Variants in KCTD10 observed in about 807,000 individuals in gnomAD.
KCTD10 encodes potassium channel tetramerization domain containing 10.
KCTD10 carries 13 observed loss-of-function variants against 34.6 expected under a neutral mutation model. The observed-to-expected ratio is 0.38, with a 90% CI of 0.24 to 0.60. The LOEUF (loss-of-function observed/expected upper bound fraction) is 0.60, where lower values mean the gene tolerates loss of function less well. KCTD10 is among the 20% of genes least tolerant of loss of function. The pLI is 0.66. For missense variants in KCTD10, 256 were observed against 420.3 expected (o/e 0.61, Z 3.42); for synonymous variants, 156 against 168.8 (o/e 0.92, Z 0.59).
chr12:109,454,394 C>A (rs1872920319), intron 6 of KCTD10, among the ~76,000 whole-genome samples: 1 of 152,158 alleles, frequency 6.6e-6, no homozygotes, highest in Non-Finnish European at 1.5e-5. Context: ...ACACAACTTA[C>A]CAGCAGGGCT....
In KCTD10 at chr12:109,460,613, T is replaced by C; in HGVS notation, c.387+23A>G. The C allele has an allele frequency of 6.2e-7, 1 of 1,606,560 alleles. No homozygotes were observed. Among genetic ancestry groups the C allele is most frequent in the Non-Finnish European group, 8.5e-7 (1 of 1,175,000 alleles). ...TAGGCTTGGTGCCTCTCCACCCATA[T>C]GGGAAGAAAGGGTGATGCCTACTTG... On this transcript the variant is annotated intron_variant, in intron 3 of 6. Coordinates refer to ENST00000228495, the MANE Select transcript of KCTD10 (RefSeq NM_031954.5). The surrounding 1 kb of genome is among the most constrained non-coding windows in gnomAD (Gnocchi z 4.5).
intron 1 of KCTD10, among the ~76,000 whole-genome samples, chr12:109,472,082 A>G (rs1873918096): frequency 6.6e-6 from 1 of 152,200 alleles, no homozygotes; most frequent in Admixed American, 6.5e-5. Context: ...AACACTGCAC[A>G]GGGAGGCCAC....
At chr12:109,456,688 C>G in intron 5 of KCTD10, 1 of 307,022 alleles carries the variant, frequency 3.3e-6, no homozygotes, top group Non-Finnish European at 6.3e-6. Flanking sequence ...AAGGGAGACT[C>G]TATATCCTAG....
chr12:109,476,135 G>A (rs925344225), intron 1 of KCTD10, among the ~76,000 whole-genome samples: 1 of 152,218 alleles, frequency 6.6e-6, no homozygotes, highest in African/African-American at 2.4e-5. Context: ...TCCACCCCAA[G>A]AATGTCTGAT....
At chr12:109,466,124 G>A (rs1026214024) in intron 2 of KCTD10, among the ~76,000 whole-genome samples, 3 of 152,166 alleles carry the variant, frequency 2.0e-5, no homozygotes, top group Admixed American at 6.5e-5. Context: ...CACTGCCACA[G>A]TGTCCTTGTC....
At chr12:109,454,209 G>C (rs1445034862) in intron 6 of KCTD10, among the ~76,000 whole-genome samples, 1 of 152,172 alleles carries the variant, frequency 6.6e-6, no homozygotes, top group African/African-American at 2.4e-5. Context: ...GGTGACACAA[G>C]GTTTTGGAAT....
intron 2 of KCTD10, 153 bp downstream of exon 2, chr12:109,469,362 A>G: frequency 2.4e-6 from 2 of 828,834 alleles, no homozygotes; most frequent in South Asian, 1.8e-5. Flanking sequence ...AAAGTAACAT[A>G]GCAAATCAAC....
In KCTD10 at chr12:109,457,671, C is replaced by T; in HGVS notation, c.486G>A (p.Lys162=). 1 of 1,614,236 alleles carries T rather than the reference C, an allele frequency of 6.2e-7. No homozygotes were observed. The highest frequency in any genetic ancestry group is 8.5e-7 in the Non-Finnish European group (1 of 1,180,034). ...TGTTGTTACTTCTGTTGTAGAGCAA[C>T]TTCACGGCTGGCTGTGGGTTGTTTT... ...LIATSNKPAV[K]LLYNRSNNKY... is the part of the protein sequence containing the mutation. The change falls in exon 5 of 7, where the codon AAG becomes AAA. Residue 162 remains lysine (K), a synonymous_variant. Coordinates refer to ENST00000228495, the MANE Select transcript of KCTD10 (RefSeq NM_031954.5).
At chr12:109,466,837 A>G (rs1237658987) in intron 2 of KCTD10, among the ~76,000 whole-genome samples, 1 of 152,260 alleles carries the variant, frequency 6.6e-6, no homozygotes, top group East Asian at 1.9e-4. Flanking sequence ...TATTTGTAGC[A>G]AACTTCATTG....
intron 2 of KCTD10, among the ~76,000 whole-genome samples, chr12:109,463,205 T>C (rs540888382): frequency 2.2e-4 from 34 of 152,332 alleles, no homozygotes; most frequent in Admixed American, 4.6e-4. Context: ...ACTCAGCTGC[T>C]TGGGAAGACC....
chr12:109,474,145 C>T (rs185124002), intron 1 of KCTD10, among the ~76,000 whole-genome samples: 1 of 152,200 alleles, frequency 6.6e-6, no homozygotes, highest in South Asian at 2.1e-4. Flanking sequence ...GAACTCCCGA[C>T]CTCAAGTGAT....
intron 2 of KCTD10, among the ~76,000 whole-genome samples, chr12:109,465,445 C>T (rs1873546203): frequency 6.6e-6 from 1 of 152,148 alleles, no homozygotes; most frequent in African/African-American, 2.4e-5. Flanking sequence ...GCTGGTTGCA[C>T]ACTAGAATCA....
chr12:109,473,782 CT>C (rs34468971), intron 1 of KCTD10, among the ~76,000 whole-genome samples: 298 of 138,598 alleles, frequency 2.2e-3, no homozygotes, highest in East Asian at 3.5e-3. Context: ...TGGAATCCTG[CT>C]TTTTTTTTTT....
chr12:109,473,954 T>C (rs1276554939), intron 1 of KCTD10, among the ~76,000 whole-genome samples: 1 of 152,080 alleles, frequency 6.6e-6, no homozygotes, highest in Non-Finnish European at 1.5e-5. Context: ...GCTAATTTTA[T>C]ATTGTTAGTA....
chr12:109,472,250 TTC>T (rs1217256982), intron 1 of KCTD10, among the ~76,000 whole-genome samples: 7 of 152,176 alleles, frequency 4.6e-5, no homozygotes, highest in African/African-American at 1.7e-4. Context: ...CAAAAATATT[TTC>T]TTTCTTTATA....
intron 2 of KCTD10, among the ~76,000 whole-genome samples, chr12:109,462,388 G>GT (rs1456159577): frequency 1.3e-5 from 2 of 152,232 alleles, no homozygotes; most frequent in Non-Finnish European, 2.9e-5. Flanking sequence ...AATACCCCAA[G>GT]TGGGGGGAAA....
chr12:109,461,015 C>T (rs1179407573), intron 2 of KCTD10, among the ~76,000 whole-genome samples: 1 of 152,188 alleles, frequency 6.6e-6, no homozygotes, highest in Non-Finnish European at 1.5e-5. Flanking sequence ...AACCATAACC[C>T]CAGGTGACCC....
rs1156476580 is a variant in KCTD10, at chr12:109,460,762, T to C, written c.261A>G (p.Ile87Met). The C allele has an allele frequency of 1.1e-5, 17 of 1,614,074 alleles. No individual in the cohort carries two copies. The highest frequency in any genetic ancestry group is 1.4e-5 in the Non-Finnish European group (17 of 1,179,988). Reference protein sequence around the residue: ...IDRCGKHFGTILNYLRDGAVP... With the variant: ...IDRCGKHFGTMLNYLRDGAVP... ...CCGCCCCGTCTCGAAGGTAGTTGAG[T>C]ATCGTACCAAAGTGCTTCCCACAGC... The change falls in exon 3 of 7, where the codon ATA (isoleucine) becomes ATG (methionine). Residue 87 changes from isoleucine (I) to methionine (M), a missense_variant. Ile to Met is a conservative substitution (Grantham distance 10). Transcript: ENST00000228495. This position sits in a 1 kb window ranked among gnomAD's most constrained non-coding sequence, Gnocchi z 4.5.
At position 109,450,053 on chromosome 12, in the gene KCTD10, G is replaced by A. The variant is rs1872687807; in HGVS notation, c.*1542C>T. On this transcript the variant is annotated 3_prime_UTR_variant, in exon 7 of 7. Coordinates refer to ENST00000228495, the MANE Select transcript of KCTD10 (RefSeq NM_031954.5). Reference sequence around the variant, plus strand: ...ACAACTGTCACAGGCAGGGCAGTAAGTACAAAGTCTAAGCTGTAAAAACCG... The same window carrying A: ...ACAACTGTCACAGGCAGGGCAGTAAATACAAAGTCTAAGCTGTAAAAACCG... 2 of 384,634 alleles carry A rather than the reference G, an allele frequency of 5.2e-6. No homozygotes were observed. The highest frequency in any genetic ancestry group is 9.2e-6 in the Non-Finnish European group (2 of 217,586). The allele number at this position is 384,634 out of a possible 1,614,324, so 23.8% of individuals were successfully genotyped here. A position where few individuals can be genotyped will look rare whatever the true frequency, so the allele number is the denominator to read the frequency against.
Sources: gnomAD v4.1 joint callset for allele counts (sites outside exome capture counted in the v4.1 genomes callset) on GRCh38, gnomAD v4.1.1 for gene constraint, Gnocchi (gnomAD v3.1) non-coding constraint, MANE v1.5 for transcripts, NCBI Gene and HGNC (gene_info 2026-07-23, HGNC 2026-07-21) for gene names.